The following EPHX2 variants were observed in gnomAD, a reference collection of about 807,000 sequenced individuals.
EPHX2 encodes epoxide hydrolase 2, also known as bifunctional epoxide hydrolase 2.
In EPHX2, 74 loss-of-function variants were observed where a neutral mutation model predicts 78.7. The ratio of observed to expected loss-of-function variants is 0.94; its 90% CI spans 0.78 to 1.14. The LOEUF is 1.14. EPHX2 is among the 50% of genes most tolerant of loss of function. The probability of loss-of-function intolerance (pLI) is 0.00; values close to 1 mark genes in which losing one functional copy is unlikely to be tolerated. For synonymous variants in EPHX2, 251 were observed against 255.2 expected (o/e 0.98, Z 0.16); for missense variants, 715 against 702.5 (o/e 1.02, Z -0.20).
intron 13 of EPHX2, 21 bp from the exon 14 acceptor site, chr8:27,538,638 T>C (rs745469686): frequency 6.2e-7 from 1 of 1,605,402 alleles, no homozygotes; most frequent in African/African-American, 1.3e-5. Context: ...CATTTGTAAC[T>C]CTTTTCTTTT....
At chr8:27,511,686 A>T in intron 5 of EPHX2, 150 bp from the exon 6 acceptor site, 1 of 701,736 alleles carries the variant, frequency 1.4e-6, no homozygotes, top group South Asian at 1.7e-5. Context: ...TGCTGGCAGG[A>T]GAGGGAGATG....
downstream of EPHX2, among the ~76,000 whole-genome samples, chr8:27,546,056 G>A (rs976314522): frequency 1.3e-5 from 2 of 150,654 alleles, no homozygotes; most frequent in African/African-American, 4.9e-5. Flanking sequence ...CTAAGGCTGA[G>A]CTTTTTCTAC....
At position 27,525,107 on chromosome 8, in the gene EPHX2, TGC is replaced by T. The variant is rs1182901102; in HGVS notation, c.1059-240_1059-239del. Among the ~76,000 whole-genome samples, 542 of 103,462 alleles carry T rather than the reference TGC, an allele frequency of 5.2e-3. 5 individuals are homozygous for T. Among genetic ancestry groups the T allele is most frequent in the African/African-American group, 0.016 (440 of 27,628 alleles). 67.9% of individuals were successfully genotyped at this position (103,462 alleles called of 152,430 possible). On this transcript the variant is annotated intron_variant, in intron 11 of 18. Coordinates refer to ENST00000521400, the MANE Select transcript of EPHX2 (RefSeq NM_001979.6). ...GTGTGTGTGTGTGTGTGTGTGTGTGTGCGCGCGCGCGCGCGCACCTATGTGTC... is the reference window on the plus strand; with the variant it reads ...GTGTGTGTGTGTGTGTGTGTGTGTGTGCGCGCGCGCGCGCACCTATGTGTC...
intron 5 of EPHX2, among the ~76,000 whole-genome samples, chr8:27,510,433 T>C (rs1814195267): frequency 6.6e-6 from 1 of 152,148 alleles, no homozygotes; most frequent in Non-Finnish European, 1.5e-5. Context: ...TTTACTGAGA[T>C]GGGTTAGTCT....
intron 12 of EPHX2, among the ~76,000 whole-genome samples, chr8:27,535,536 T>C (rs56290433): frequency 0.082 from 12,461 of 152,184 alleles, 525 homozygotes; most frequent in Non-Finnish European, 0.1. Context: ...ACAGCTGTTT[T>C]CTCCTAAACT....
intron 12 of EPHX2, among the ~76,000 whole-genome samples, chr8:27,529,505 G>T (rs1814960722): frequency 6.6e-6 from 1 of 152,084 alleles, no homozygotes; most frequent in Admixed American, 6.5e-5. Context: ...TCACGACACT[G>T]GTCCTCTTTA....
intron 11 of EPHX2, 104 bp from the exon 12 acceptor site, chr8:27,525,258 A>G (rs1814802965): frequency 3.2e-6 from 3 of 949,788 alleles, no homozygotes; most frequent in South Asian, 1.4e-5. Flanking sequence ...TGTGCATAGA[A>G]TGTTCCCACT....
intron 12 of EPHX2, among the ~76,000 whole-genome samples, chr8:27,527,147 C>A (rs926545766): frequency 2.6e-5 from 4 of 151,994 alleles, no homozygotes; most frequent in African/African-American, 9.7e-5. Context: ...TTAGTAGAGA[C>A]GGGGTTTCAC....
intron 14 of EPHX2, among the ~76,000 whole-genome samples, chr8:27,539,767 G>A (rs1283538920): frequency 6.6e-6 from 1 of 152,226 alleles, no homozygotes; most frequent in East Asian, 1.9e-4. Flanking sequence ...TGAGTCTGGA[G>A]CACCCGCCTG....
At chr8:27,522,611 G>A in intron 11 of EPHX2, 103 bp downstream of exon 11, 1 of 1,160,780 alleles carries the variant, frequency 8.6e-7, no homozygotes, top group South Asian at 1.3e-5. Context: ...TCAAAAACAA[G>A]TAGGTAGTCT....
At chr8:27,516,437 G>A in intron 8 of EPHX2, 39 bp downstream of exon 8, 4 of 1,592,558 alleles carry the variant, frequency 2.5e-6, no homozygotes, top group Non-Finnish European at 3.4e-6. Flanking sequence ...TGCTGGTCTT[G>A]CCTTCTACCT....
intron 2 of EPHX2, among the ~76,000 whole-genome samples, chr8:27,501,838 T>C (rs537874428): frequency 8.9e-4 from 135 of 152,280 alleles, no homozygotes; most frequent in Admixed American, 6.1e-3. Flanking sequence ...GAAACTGGCA[T>C]GGCTAGAGGG....
chr8:27,516,919 ATTTT>A (rs1255634079), intron 8 of EPHX2, among the ~76,000 whole-genome samples: 1 of 131,582 alleles, frequency 7.6e-6, no homozygotes. Flanking sequence ...TTTCCTTCCT[ATTTT>A]TTTTTTTTTT....
chr8:27,494,204 A>T (rs1813490645), intron 1 of EPHX2, among the ~76,000 whole-genome samples: 1 of 152,086 alleles, frequency 6.6e-6, no homozygotes, highest in African/African-American at 2.4e-5. Context: ...CACTGATGGG[A>T]TAGTAGGTGC....
chr8:27,525,144 T>C (rs1814797359), intron 11 of EPHX2, among the ~76,000 whole-genome samples: 1 of 149,752 alleles, frequency 6.7e-6, no homozygotes, highest in East Asian at 2.0e-4. Context: ...CTAAGGCAAG[T>C]TGGTGAGAAA....
intron 1 of EPHX2, among the ~76,000 whole-genome samples, chr8:27,494,107 A>C (rs1437845311): frequency 2.0e-5 from 3 of 152,096 alleles, no homozygotes; most frequent in African/African-American, 7.2e-5. Context: ...GGGCCCTGAG[A>C]AGCAGACAAG....
chr8:27,501,332 T>C (rs1050878257), intron 2 of EPHX2, among the ~76,000 whole-genome samples: 2 of 72,110 alleles, frequency 2.8e-5, no homozygotes, highest in Non-Finnish European at 5.6e-5. Flanking sequence ...ATTTTCTTCT[T>C]CTTCTTCTTC....
intron 16 of EPHX2, among the ~76,000 whole-genome samples, chr8:27,543,013 C>T (rs193116977): frequency 6.6e-5 from 9 of 135,430 alleles, no homozygotes; most frequent in African/African-American, 1.1e-4. Flanking sequence ...CTCTCCCCCC[C>T]CCGCCCCCCG....
intron 11 of EPHX2, among the ~76,000 whole-genome samples, chr8:27,525,105 T>TGCGCAC (rs1345689668): frequency 7.8e-6 from 1 of 127,492 alleles, no homozygotes; most frequent in Non-Finnish European, 1.6e-5. Flanking sequence ...TGTGTGTGTG[T>TGCGCAC]GTGCGCGCGC....
Sources: allele counts gnomAD v4.1 joint callset (sites outside exome capture counted in the v4.1 genomes callset), GRCh38; gene constraint gnomAD v4.1.1; transcripts MANE v1.5; gene names NCBI Gene and HGNC (gene_info 2026-07-23, HGNC 2026-07-21).